Variants in GPC6 observed in about 807,000 individuals in gnomAD.
GPC6 encodes the protein glypican 6.
A neutral mutation model predicts 55.2 loss-of-function variants in GPC6; 14 were observed. That is an observed-to-expected ratio of 0.25 (90% confidence interval 0.17 to 0.40). The LOEUF (loss-of-function observed/expected upper bound fraction) is 0.40. Among genes scored for constraint, GPC6 ranks in the 10% least tolerant of loss-of-function variants. GPC6 has a pLI of 1.00. For synonymous variants in GPC6, 278 were observed against 259.6 expected, an observed-to-expected ratio of 1.07 and a Z score of -0.68; for missense variants, 641 against 708.5, an observed-to-expected ratio of 0.90 and a Z score of 1.08.
At chr13:93,393,017 G>T (rs1412702563) in intron 1 of GPC6, among the ~76,000 whole-genome samples, 1 of 151,284 alleles carries the variant, frequency 6.6e-6, no homozygotes, top group Non-Finnish European at 1.5e-5. Context: ...TTTCTATGCT[G>T]CCTAATCATT....
chr13:93,263,709 C>G (rs562357012), intron 1 of GPC6, among the ~76,000 whole-genome samples: 2 of 152,270 alleles, frequency 1.3e-5, no homozygotes, highest in South Asian at 4.1e-4. Context: ...CTGTATTATT[C>G]CTATCTGATA....
chr13:93,886,920 G>A (rs1202881990), intron 3 of GPC6, among the ~76,000 whole-genome samples: 2 of 151,820 alleles, frequency 1.3e-5, no homozygotes, highest in Admixed American at 1.3e-4. Flanking sequence ...TTTGTTTTAT[G>A]TGGAATACAT....
intron 2 of GPC6, among the ~76,000 whole-genome samples, chr13:93,748,481 C>A (rs977326355): frequency 3.3e-5 from 5 of 151,740 alleles, no homozygotes; most frequent in Non-Finnish European, 7.4e-5. Flanking sequence ...AATTTTTAAT[C>A]ATCAGTGCCT....
chr13:94,176,848 A>C (rs1888794264), intron 4 of GPC6, among the ~76,000 whole-genome samples: 1 of 152,218 alleles, frequency 6.6e-6, no homozygotes, highest in South Asian at 2.1e-4. Flanking sequence ...GAAAGAAAGA[A>C]TCCTTAATGC....
At chr13:93,915,850 A>G (rs1169455859) in intron 3 of GPC6, among the ~76,000 whole-genome samples, 4 of 152,136 alleles carry the variant, frequency 2.6e-5, no homozygotes, top group African/African-American at 4.8e-5. Flanking sequence ...CTGAATTTGA[A>G]TGGAAGACCT....
In GPC6 at chr13:94,354,365, T is replaced by C. The variant is rs142555893; in HGVS notation, c.1153-28049T>C. ...AAAAGATACAAAAAAAAAAACAAGA[T>C]ACCATTCTTTCCCAGGGGCATCAAG... On this transcript the variant is annotated intron_variant, in intron 6 of 8. Coordinates refer to ENST00000377047, the MANE Select transcript of GPC6 (RefSeq NM_005708.5). Among the ~76,000 whole-genome samples, 1,285 of 151,178 alleles carry C rather than the reference T, an allele frequency of 8.5e-3. 18 individuals are homozygous for C. The highest frequency in any genetic ancestry group is 0.03 in the African/African-American group (1,234 of 41,242).
intron 4 of GPC6, among the ~76,000 whole-genome samples, chr13:94,180,090 C>T (rs1888934692): frequency 6.6e-6 from 1 of 152,046 alleles, no homozygotes; most frequent in African/African-American, 2.4e-5. Flanking sequence ...ATGGGACTCC[C>T]TACCCGAAGG....
chr13:93,548,178 T>C (rs980770440), intron 2 of GPC6, among the ~76,000 whole-genome samples: 3 of 152,234 alleles, frequency 2.0e-5, no homozygotes, highest in Admixed American at 6.5e-5. Flanking sequence ...TTTTGCATCA[T>C]TGCTGGAGTC....
intron 2 of GPC6, among the ~76,000 whole-genome samples, chr13:93,695,948 C>A (rs1034287540): frequency 6.6e-6 from 1 of 152,040 alleles, no homozygotes; most frequent in African/African-American, 2.4e-5. Context: ...TGAGTATCAT[C>A]CAGATTTTAT....
At chr13:94,137,498 G>C (rs1887224535) in intron 4 of GPC6, among the ~76,000 whole-genome samples, 1 of 152,186 alleles carries the variant, frequency 6.6e-6, no homozygotes, top group Admixed American at 6.5e-5. Flanking sequence ...TAAGGAGTGG[G>C]ATCTGGAACA....
intron 3 of GPC6, among the ~76,000 whole-genome samples, chr13:94,017,799 T>A (rs1435711970): frequency 6.6e-6 from 1 of 151,994 alleles, no homozygotes; most frequent in Admixed American, 6.6e-5. Flanking sequence ...TGTCTCAGCC[T>A]TCCGAGTAGC....
intron 3 of GPC6, among the ~76,000 whole-genome samples, chr13:94,000,059 C>A (rs984625226): frequency 6.6e-6 from 1 of 152,082 alleles, no homozygotes; most frequent in Non-Finnish European, 1.5e-5. Context: ...AATGATTTTG[C>A]GTGGATATTT....
At chr13:94,152,889 C>A (rs1300000669) in intron 4 of GPC6, among the ~76,000 whole-genome samples, 1 of 152,150 alleles carries the variant, frequency 6.6e-6, no homozygotes, top group Admixed American at 6.6e-5. Flanking sequence ...TGTTTTAAGT[C>A]ATGTGGAGAT....
intron 2 of GPC6, among the ~76,000 whole-genome samples, chr13:93,705,904 TTTAA>T (rs1320138091): frequency 2.0e-5 from 3 of 151,532 alleles, no homozygotes; most frequent in Admixed American, 1.3e-4. Flanking sequence ...AATTATGTAA[TTTAA>T]TTAAATATTA....
chr13:93,311,587 A>G (rs750345801), intron 1 of GPC6, among the ~76,000 whole-genome samples: 10 of 152,164 alleles, frequency 6.6e-5, no homozygotes, highest in African/African-American at 1.2e-4. Flanking sequence ...TATTGTAATT[A>G]CTGTAGTTGA....
chr13:93,242,314 A>G (rs1876461637), intron 1 of GPC6, among the ~76,000 whole-genome samples: 1 of 152,128 alleles, frequency 6.6e-6, no homozygotes, highest in African/African-American at 2.4e-5. Context: ...CTGGCAAAAA[A>G]CAACCCAACT....
chr13:94,300,894 C>A (rs570498484), intron 5 of GPC6, among the ~76,000 whole-genome samples: 20 of 152,320 alleles, frequency 1.3e-4, no homozygotes, highest in African/African-American at 4.8e-4. Flanking sequence ...GCATTCTTCT[C>A]TGGAATTAAA....
intron 2 of GPC6, among the ~76,000 whole-genome samples, chr13:93,722,133 A>G (rs556281514): frequency 1.3e-5 from 2 of 151,866 alleles, no homozygotes; most frequent in Non-Finnish European, 2.9e-5. Context: ...TATGCAAAAA[A>G]GGAAAGTTTA....
intron 1 of GPC6, among the ~76,000 whole-genome samples, chr13:93,456,269 C>T (rs1175276236): frequency 2.0e-5 from 3 of 151,940 alleles, no homozygotes; most frequent in Non-Finnish European, 4.4e-5. Context: ...ATGAAAATGG[C>T]CTCCGAGAAA....
Sources: gnomAD v4.1 joint callset for allele counts (sites outside exome capture counted in the v4.1 genomes callset) on GRCh38, gnomAD v4.1.1 for gene constraint, MANE v1.5 for transcripts, NCBI Gene and HGNC (gene_info 2026-07-23, HGNC 2026-07-21) for gene names.